Variants in GPR158 observed in about 807,000 individuals in gnomAD.
GPR158 encodes metabotropic glycine receptor.
In GPR158, 30 loss-of-function variants were observed where a neutral mutation model predicts 78.2. That is an observed-to-expected ratio of 0.38 (90% CI 0.29 to 0.52). The LOEUF is 0.52. GPR158 is among the 20% of genes least tolerant of loss of function. The pLI is 0.83. For synonymous variants in GPR158, 581 were observed against 591.1 expected, an observed-to-expected ratio of 0.98 and a Z score of 0.25; for missense variants, 1,463 against 1,523.5, an observed-to-expected ratio of 0.96 and a Z score of 0.66.
intron 1 of GPR158, among the ~76,000 whole-genome samples, chr10:25,211,147 A>G (rs953088189): frequency 3.9e-5 from 6 of 152,186 alleles, no homozygotes; most frequent in African/African-American, 1.4e-4. Context: ...AAAGAAAAAA[A>G]AAAAAACAGA....
At chr10:25,253,859 C>T (rs892725195) in intron 2 of GPR158, among the ~76,000 whole-genome samples, 8 of 152,128 alleles carry the variant, frequency 5.3e-5, no homozygotes, top group African/African-American at 1.7e-4. Context: ...CAAATATTGT[C>T]CACTGCTCTT....
intron 6 of GPR158, among the ~76,000 whole-genome samples, chr10:25,558,583 G>T (rs1395409496): frequency 6.6e-6 from 1 of 152,082 alleles, no homozygotes; most frequent in Non-Finnish European, 1.5e-5. Flanking sequence ...GCTTGTTTTT[G>T]GACGGCTGCA....
At position 25,226,658 on chromosome 10, in the gene GPR158, C is replaced by G. The variant is rs536377662; in HGVS notation, c.1008+5501C>G. 2.6e-5 allele frequency among the ~76,000 whole-genome samples: 4 copies of G among 152,186 alleles called. No homozygotes were observed. The East Asian group carries it at 7.7e-4, about 29-fold the overall frequency. Reference sequence around the variant, plus strand: ...ATTTGTAGCACAACTTTTCTTTTCTCCTATTACTAGTGTGAAATGTGGTTA... The same window carrying G: ...ATTTGTAGCACAACTTTTCTTTTCTGCTATTACTAGTGTGAAATGTGGTTA... On this transcript the variant is annotated intron_variant, in intron 2 of 10. Transcript: ENST00000376351.
chr10:25,580,100 T>C (rs1363839817), intron 7 of GPR158, among the ~76,000 whole-genome samples: 2 of 152,226 alleles, frequency 1.3e-5, no homozygotes, highest in Admixed American at 1.3e-4. Context: ...ATATATTTTA[T>C]TCACCACATT....
chr10:25,596,234 G>A (rs542764733), intron 9 of GPR158, among the ~76,000 whole-genome samples: 83 of 152,252 alleles, frequency 5.5e-4, no homozygotes, highest in African/African-American at 1.9e-3. Context: ...AACCAGTGGC[G>A]TATGATATTT....
At chr10:25,457,140 CTTTTTTTTT>C (rs11384299) in intron 4 of GPR158, among the ~76,000 whole-genome samples, 12 of 59,418 alleles carry the variant, frequency 2.0e-4, no homozygotes, top group South Asian at 9.3e-4. Context: ...CCATGCCCAC[CTTTTTTTTT>C]TTTTTTTTTT....
chr10:25,206,193 T>A (rs2130662467), intron 1 of GPR158, among the ~76,000 whole-genome samples: 1 of 152,258 alleles, frequency 6.6e-6, no homozygotes, highest in African/African-American at 2.4e-5. Flanking sequence ...TTCACCGTGT[T>A]AGCCAGGATG....
chr10:25,331,041 A>T (rs1855112878), intron 2 of GPR158, among the ~76,000 whole-genome samples: 1 of 152,192 alleles, frequency 6.6e-6, no homozygotes, highest in Non-Finnish European at 1.5e-5. Context: ...GGCTCAAGCA[A>T]TGCTCATGGC....
intron 5 of GPR158, among the ~76,000 whole-genome samples, chr10:25,484,480 A>G (rs1379053965): frequency 6.6e-6 from 1 of 152,240 alleles, no homozygotes; most frequent in African/African-American, 2.4e-5. Context: ...CAGAAATGAC[A>G]CAATTTGGCA....
At chr10:25,501,636 T>C (rs768573143) in intron 5 of GPR158, among the ~76,000 whole-genome samples, 2 of 152,138 alleles carry the variant, frequency 1.3e-5, no homozygotes, top group Non-Finnish European at 2.9e-5. Context: ...TGAAACAGAC[T>C]TGGGAATGCG....
intron 2 of GPR158, among the ~76,000 whole-genome samples, chr10:25,348,011 CT>C (rs1347484607): frequency 6.6e-6 from 1 of 151,882 alleles, no homozygotes; most frequent in African/African-American, 2.4e-5. Flanking sequence ...GTTGGAAGAC[CT>C]TGGTTCCTAC....
At chr10:25,593,515 G>GCAAC (rs1465328200) in intron 8 of GPR158, among the ~76,000 whole-genome samples, 5 of 151,896 alleles carry the variant, frequency 3.3e-5, no homozygotes. Flanking sequence ...CTTTATGAAA[G>GCAAC]CAACCCCTGG....
At chr10:25,192,274 TC>T (rs1852781922) in intron 1 of GPR158, among the ~76,000 whole-genome samples, 1 of 152,186 alleles carries the variant, frequency 6.6e-6, no homozygotes, top group South Asian at 2.1e-4. Flanking sequence ...TCCTTCACCT[TC>T]CGCCACGGTT....
At chr10:25,197,691 C>G (rs1332981777) in intron 1 of GPR158, among the ~76,000 whole-genome samples, 1 of 152,138 alleles carries the variant, frequency 6.6e-6, no homozygotes, top group African/African-American at 2.4e-5. Flanking sequence ...ACAGAACATG[C>G]TTTGTTCTTA....
At chr10:25,338,345 G>C (rs1453398686) in intron 2 of GPR158, among the ~76,000 whole-genome samples, 2 of 147,974 alleles carry the variant, frequency 1.4e-5, no homozygotes, top group Admixed American at 1.4e-4. Flanking sequence ...GTTTTGCCAA[G>C]CAGCTTTCCC....
At chr10:25,564,687 T>C (rs1301632882) in intron 6 of GPR158, among the ~76,000 whole-genome samples, 3 of 132,784 alleles carry the variant, frequency 2.3e-5, no homozygotes, top group Admixed American at 7.8e-5. Context: ...AAGGCCGCCA[T>C]TGAGCTCAGG....
chr10:25,321,755 T>A (rs1461718392), intron 2 of GPR158, among the ~76,000 whole-genome samples: 1 of 152,124 alleles, frequency 6.6e-6, no homozygotes, highest in African/African-American at 2.4e-5. Flanking sequence ...CTGCCTAGAA[T>A]TGAGTTGTAT....
rs375726311 is a variant in GPR158, at chr10:25,230,580, G to A, written c.1008+9423G>A. 1.6e-4 allele frequency among the ~76,000 whole-genome samples: 25 copies of A among 152,258 alleles called. No homozygotes were observed. In the East Asian group the frequency reaches 3.3e-3, roughly 20 times the overall value. ...TGTTTTTCCAGGAAATAGAAGACTCGTGGGTGATGTGATAACTGTCTTCAA... is the reference window on the plus strand; with the variant it reads ...TGTTTTTCCAGGAAATAGAAGACTCATGGGTGATGTGATAACTGTCTTCAA... On this transcript the variant is annotated intron_variant, in intron 2 of 10. Transcript: ENST00000376351.
intron 7 of GPR158, among the ~76,000 whole-genome samples, chr10:25,578,203 ATCTT>A (rs1313393555): frequency 5.3e-5 from 8 of 152,332 alleles, no homozygotes; most frequent in African/African-American, 1.9e-4. Flanking sequence ...AGACAAAAGA[ATCTT>A]TCCATCTGCT....
Sources: gnomAD v4.1 joint callset for allele counts (sites outside exome capture counted in the v4.1 genomes callset) on GRCh38, gnomAD v4.1.1 for gene constraint, MANE v1.5 for transcripts, NCBI Gene and HGNC (gene_info 2026-07-23, HGNC 2026-07-21) for gene names.